DAPK2: variants seen among roughly 807,000 people sequenced by gnomAD.
DAPK2 encodes death associated protein kinase 2.
A neutral mutation model predicts 44.1 loss-of-function variants in DAPK2; 35 were observed. That is an observed-to-expected ratio of 0.79 (90% CI 0.61 to 1.05). The LOEUF is 1.05. Among genes scored for constraint, DAPK2 ranks in the 50% least tolerant of loss-of-function variants. DAPK2 has a pLI of 0.00. For synonymous variants in DAPK2, 174 were observed against 182.6 expected (o/e 0.95, Z 0.38); for missense variants, 453 against 483.2 (o/e 0.94, Z 0.59).
intron 1 of DAPK2, among the ~76,000 whole-genome samples, chr15:63,996,338 C>G (rs2078948647): frequency 6.6e-6 from 1 of 152,192 alleles, no homozygotes; most frequent in South Asian, 2.1e-4. Context: ...AGCTACTCAG[C>G]AGGCTGAGGT....
At position 63,920,633 on chromosome 15, in the gene DAPK2, T is replaced by C. The variant is rs564494678; in HGVS notation, c.858+4183A>G. ...GAGACAGGATTCTGAAGAAATGGTT[T>C]CATGAGATGAAGCTTTCCTGTCTTG... On this transcript the variant is annotated intron_variant, in intron 8 of 10. Coordinates refer to ENST00000261891, the Ensembl canonical transcript of DAPK2. The C allele has an allele frequency of 2.0e-5, 3 of 152,324 alleles. No homozygotes were observed. In the East Asian group the frequency reaches 5.8e-4, roughly 29 times the overall value. 9.4% of individuals were successfully genotyped at this position (152,324 alleles called of 1,614,324 possible). A position where few individuals can be genotyped will look rare whatever the true frequency, so the allele number is the denominator to read the frequency against.
chr15:63,916,895 C>T lies in DAPK2; in HGVS notation c.859-4698G>A, dbSNP rs1435796070. On this transcript the variant is annotated intron_variant, in intron 8 of 10. Coordinates refer to ENST00000261891, the Ensembl canonical transcript of DAPK2. This position sits in a 1 kb window ranked among gnomAD's most constrained non-coding sequence, Gnocchi z 4.7. ...TATAAAACCCAAGAGACTTGAGAGA[C>T]GTAGCAACCAAATGCCACATGTGGA... is the stretch of plus-strand genomic sequence containing the variant. 1.3e-5 allele frequency: 2 copies of T among 151,924 alleles called. No individual in the cohort carries two copies. The highest frequency in any genetic ancestry group is 2.4e-5 in the African/African-American group (1 of 41,194). The allele number at this position is 151,924 out of a possible 1,614,324, so 9.4% of individuals were successfully genotyped here.
chr15:63,950,878 A>G (rs1451749662), intron 3 of DAPK2, among the ~76,000 whole-genome samples: 1 of 152,232 alleles, frequency 6.6e-6, no homozygotes, highest in Non-Finnish European at 1.5e-5. Flanking sequence ...CATGTTCTAG[A>G]AAGTTCCACA....
At chr15:63,953,205 C>T (rs1467272075) in intron 3 of DAPK2, among the ~76,000 whole-genome samples, 2 of 148,618 alleles carry the variant, frequency 1.3e-5, no homozygotes, top group African/African-American at 4.9e-5. Flanking sequence ...AGCTTAGCTT[C>T]CACTTATGAG....
chr15:64,004,330 A>T (rs529317026), intron 1 of DAPK2, among the ~76,000 whole-genome samples: 105 of 152,198 alleles, frequency 6.9e-4, no homozygotes, highest in African/African-American at 2.4e-3. Flanking sequence ...AGACTCCTTC[A>T]TTGGTGGTGC....
chr15:63,958,074 T>C (rs1329806030), intron 3 of DAPK2, among the ~76,000 whole-genome samples: 2 of 152,214 alleles, frequency 1.3e-5, no homozygotes, highest in East Asian at 1.9e-4. Flanking sequence ...TGGTATCTCA[T>C]TGTGGTTTTG....
chr15:64,015,675 A>C (rs2079506643), intron 1 of DAPK2, among the ~76,000 whole-genome samples: 1 of 152,242 alleles, frequency 6.6e-6, no homozygotes, highest in Non-Finnish European at 1.5e-5. Flanking sequence ...ATCCAATGAC[A>C]GATGCCATAA....
At chr15:63,983,173 A>G (rs1045098637) in intron 2 of DAPK2, among the ~76,000 whole-genome samples, 1 of 151,244 alleles carries the variant, frequency 6.6e-6, no homozygotes, top group Non-Finnish European at 1.5e-5. Flanking sequence ...CCCTGGCCCC[A>G]CCCCACCATC....
intron 10 of DAPK2, among the ~76,000 whole-genome samples, chr15:63,910,468 G>C (rs1449100114): frequency 1.3e-5 from 2 of 152,236 alleles, no homozygotes; most frequent in Non-Finnish European, 2.9e-5. Context: ...CATAAGCGGG[G>C]GGAGGGGCTG....
chr15:64,004,322 A>T (rs1211927151), intron 1 of DAPK2, among the ~76,000 whole-genome samples: 1 of 150,472 alleles, frequency 6.6e-6, no homozygotes, highest in African/African-American at 2.5e-5. Flanking sequence ...TTCTTGCAAG[A>T]CTCCTTCATT....
chr15:64,020,722 C>T lies in DAPK2; in HGVS notation c.92+19448G>A, dbSNP rs563211451. The stretch of plus-strand genomic sequence containing the variant: ...GTCAGGGTAGCCCCTTGACAGCAGG[C>T]CTCTAAAGAAAGTCCCTGTTCCCAA... On this transcript the variant is annotated intron_variant, in intron 1 of 10. Transcript: ENST00000261891. The surrounding 1 kb of genome is among the most constrained non-coding windows in gnomAD (Gnocchi z 4.5). 6.6e-6 allele frequency among the ~76,000 whole-genome samples: 1 copy of T among 152,258 alleles called. No individual in the cohort carries two copies. The highest frequency in any genetic ancestry group is 2.4e-5 in the African/African-American group (1 of 41,542).
chr15:64,025,240 C>T (rs2079805065), intron 1 of DAPK2, among the ~76,000 whole-genome samples: 1 of 152,214 alleles, frequency 6.6e-6, no homozygotes, highest in Non-Finnish European at 1.5e-5. Context: ...GATTCAGCTT[C>T]CTCATCTGTA....
intron 1 of DAPK2, among the ~76,000 whole-genome samples, chr15:63,988,030 A>G (rs1433009471): frequency 2.6e-5 from 4 of 152,154 alleles, no homozygotes; most frequent in African/African-American, 9.7e-5. Context: ...GGCTTGCAAA[A>G]GTCACGTAGG....
chr15:63,912,025 A>C lies in DAPK2; in HGVS notation c.949-34T>G. The C allele has an allele frequency of 1.9e-6, 3 of 1,608,934 alleles. No individual in the cohort carries two copies. Among genetic ancestry groups the C allele is most frequent in the Non-Finnish European group, 2.5e-6 (3 of 1,177,618 alleles). ...GGCAGAGGAAAGGAATCCCCAGGTG[A>C]GAATGTGCATGGAGACCCTGGAGAG... is the stretch of plus-strand genomic sequence containing the variant. On this transcript the variant is annotated intron_variant, in intron 9 of 10. Transcript: ENST00000261891. The surrounding 1 kb of genome is among the most constrained non-coding windows in gnomAD (Gnocchi z 4.4).
chr15:63,952,396 A>G (rs1234411606), intron 3 of DAPK2, among the ~76,000 whole-genome samples: 3 of 152,244 alleles, frequency 2.0e-5, no homozygotes, highest in Admixed American at 1.3e-4. Flanking sequence ...ATCCATGAGC[A>G]GAAAAAAGGA....
chr15:63,942,843 C>T (rs2077346119), intron 3 of DAPK2, among the ~76,000 whole-genome samples: 1 of 152,112 alleles, frequency 6.6e-6, no homozygotes, highest in Admixed American at 6.5e-5. Flanking sequence ...CCCTGTAATA[C>T]CCGAACACAG....
intron 6 of DAPK2, among the ~76,000 whole-genome samples, chr15:63,928,115 T>C (rs2079365050): frequency 1.3e-5 from 2 of 152,244 alleles, no homozygotes; most frequent in African/African-American, 4.8e-5. Context: ...TCTGAAACTA[T>C]AGATCCATGG....
At chr15:64,006,320 G>A (rs1045498234) in intron 1 of DAPK2, among the ~76,000 whole-genome samples, 2 of 152,128 alleles carry the variant, frequency 1.3e-5, no homozygotes, top group Non-Finnish European at 2.9e-5. Flanking sequence ...ACAGTCAGGA[G>A]GCAGAATGTC....
chr15:64,017,433 C>T (rs879805881), intron 1 of DAPK2, among the ~76,000 whole-genome samples: 4 of 152,254 alleles, frequency 2.6e-5, no homozygotes, highest in Non-Finnish European at 5.9e-5. Flanking sequence ...GTCCAACCCT[C>T]CACCGAGGTG....
Sources: allele counts gnomAD v4.1 joint callset (sites outside exome capture counted in the v4.1 genomes callset), GRCh38; gene constraint gnomAD v4.1.1; non-coding constraint Gnocchi (gnomAD v3.1); transcripts MANE v1.5; gene names NCBI Gene and HGNC (gene_info 2026-07-23, HGNC 2026-07-21).